ABCA5: variants seen among roughly 807,000 people sequenced by gnomAD.
The protein encoded by ABCA5 is cholesterol transporter ABCA5.
Under a neutral mutation model 206.0 loss-of-function variants are expected in ABCA5, and 163 were observed. The observed-to-expected ratio is 0.79, with a 90% CI of 0.70 to 0.90. ABCA5 has a LOEUF of 0.90. Among genes scored for constraint, ABCA5 ranks in the 40% least tolerant of loss-of-function variants. The pLI is 0.00. For synonymous variants in ABCA5, 609 were observed against 613.8 expected (o/e 0.99, Z 0.11); for missense variants, 1,859 against 1,912.9 (o/e 0.97, Z 0.53).
chr17:69,297,104 A>G, intron 10 of ABCA5, 87 bp downstream of exon 10: 2 of 1,279,566 alleles, frequency 1.6e-6, no homozygotes, highest in Non-Finnish European at 2.2e-6. Flanking sequence ...AATCTAATAT[A>G]CCATATTTAC....
Position 69,287,660 on chromosome 17 carries a change from A to G in ABCA5, c.1994T>C (p.Val665Ala), listed in dbSNP as rs1440397939. Residue 665 changes from valine (V) to alanine (A), a missense_variant, in exon 15 of 39, where the codon GTG becomes GCG. Transcript: ENST00000392676. ...CATGAAATGAGTACTGAACACTGTC[A>G]CCCGATTGGCTTTTCTGTATTTTAA... ...NLLKYRKANRVTVFSTHFMDE... is the reference protein window; with the variant it reads ...NLLKYRKANRATVFSTHFMDE... 1.2e-6 allele frequency: 2 copies of G among 1,613,806 alleles called. No homozygotes were observed. Among genetic ancestry groups the G allele is most frequent in the Non-Finnish European group, 1.7e-6 (2 of 1,179,846 alleles).
intron 11 of ABCA5, among the ~76,000 whole-genome samples, chr17:69,294,237 CA>C (rs895932431): frequency 6.6e-6 from 1 of 151,988 alleles, no homozygotes; most frequent in African/African-American, 2.4e-5. Flanking sequence ...AAAAGCAAGA[CA>C]GGGGCTGGGC....
At chr17:69,318,875 A>T (rs893819587) in intron 1 of ABCA5, 3 of 703,036 alleles carry the variant, frequency 4.3e-6, no homozygotes, top group Non-Finnish European at 8.0e-6. Flanking sequence ...ATGTGTGGAG[A>T]TGGCAACTAG....
At chr17:69,280,154 C>T (rs1221019504) in intron 18 of ABCA5, among the ~76,000 whole-genome samples, 1 of 151,822 alleles carries the variant, frequency 6.6e-6, no homozygotes, top group African/African-American at 2.4e-5. Context: ...GGCTAATATC[C>T]AGAATCTACA....
intron 9 of ABCA5, 53 bp downstream of exon 9, chr17:69,301,086 G>A (rs913459729): frequency 1.3e-5 from 19 of 1,457,884 alleles, no homozygotes; most frequent in Middle Eastern, 1.8e-4. Flanking sequence ...GACCCTATGT[G>A]GGCAAAAAAG....
At position 69,297,307 on chromosome 17, in the gene ABCA5, C is replaced by T; in HGVS notation, c.1320G>A (p.Trp440Ter). ...SSLYFLKPSY[W>*]SKSKRNYEEL... ...CCTCATAATTTCTTTTGCTCTTTGA[C>T]CAATATGAAGGCTTCAGAAAATATA... Residue 440 changes from tryptophan to a stop codon, truncating the protein, a stop_gained, in exon 10 of 39, where the codon TGG (tryptophan) becomes TGA (stop). Coordinates refer to ENST00000392676, the MANE Select transcript of ABCA5 (RefSeq NM_172232.4). LOFTEE classifies it high-confidence loss of function. The T allele has an allele frequency of 6.2e-7, 1 of 1,612,198 alleles. No homozygotes were observed. Among genetic ancestry groups the T allele is most frequent in the South Asian group, 1.1e-5 (1 of 90,638 alleles).
intron 25 of ABCA5, 122 bp from the exon 26 acceptor site, chr17:69,261,381 T>C (rs1364092782): frequency 2.1e-6 from 2 of 949,242 alleles, no homozygotes; most frequent in South Asian, 1.9e-5. Context: ...AGATGATATT[T>C]AGCCAGCAAG....
chr17:69,306,346 T>G (rs2075716493), intron 6 of ABCA5, among the ~76,000 whole-genome samples: 1 of 152,140 alleles, frequency 6.6e-6, no homozygotes, highest in African/African-American at 2.4e-5. Flanking sequence ...ATGGAAGAAC[T>G]GTAACAAGCA....
Position 69,261,596 on chromosome 17 carries a change from C to G in ABCA5, c.3429+39G>C, listed in dbSNP as rs762616344. On this transcript the variant is annotated intron_variant, in intron 25 of 38. Coordinates refer to ENST00000392676, the MANE Select transcript of ABCA5 (RefSeq NM_172232.4). ...CAGGAAAGAATTCATGTTAATTAAA[C>G]TGCTATGGAAAGTTGAAATAATGTA... 15 of 915,532 alleles carry G rather than the reference C, an allele frequency of 1.6e-5. No homozygotes were observed. The African/African-American group carries it at 2.4e-4, about 15-fold the overall frequency. The allele number at this position is 915,532 out of a possible 1,614,324, so 56.7% of individuals were successfully genotyped here.
chr17:69,270,408 A>G (rs1001513711), intron 22 of ABCA5, among the ~76,000 whole-genome samples: 7 of 152,106 alleles, frequency 4.6e-5, no homozygotes, highest in African/African-American at 1.7e-4. Flanking sequence ...TATTAATACC[A>G]AAACAGAATC....
chr17:69,293,967 T>A (rs538714940), intron 11 of ABCA5, among the ~76,000 whole-genome samples: 112 of 151,610 alleles, frequency 7.4e-4, no homozygotes, highest in Non-Finnish European at 1.3e-3. Flanking sequence ...TAAAGAACAG[T>A]TCTTCACAAC....
At chr17:69,298,327 G>GAAGGAAGGAAGA (rs2075613555) in intron 9 of ABCA5, among the ~76,000 whole-genome samples, 1 of 149,336 alleles carries the variant, frequency 6.7e-6, no homozygotes, top group African/African-American at 2.5e-5. Flanking sequence ...AGGAAGGAAG[G>GAAGGAAGGAAGA]AAGGAAGGAA....
intron 37 of ABCA5, chr17:69,248,550 T>C (rs1333441833): frequency 2.7e-5 from 8 of 298,916 alleles, no homozygotes; most frequent in Non-Finnish European, 5.1e-5. Flanking sequence ...TCACTTTTTC[T>C]AAGTTCTCCT....
Position 69,246,054 on chromosome 17 carries a change from A to C in ABCA5, c.*1483T>G, listed in dbSNP as rs1161817695. 6.6e-6 allele frequency: 1 copy of C among 152,036 alleles called. No homozygotes were observed. Among genetic ancestry groups the C allele is most frequent in the African/African-American group, 2.4e-5 (1 of 41,462 alleles). The allele number at this position is 152,036 out of a possible 1,614,324, so 9.4% of individuals were successfully genotyped here. Reference sequence around the variant, plus strand: ...TTATATATACTTTAGGAAAGTGTATAGCAACTGCCCCCAGCAATGGGGGAA... The same window carrying C: ...TTATATATACTTTAGGAAAGTGTATCGCAACTGCCCCCAGCAATGGGGGAA... On this transcript the variant is annotated 3_prime_UTR_variant, in exon 39 of 39. Coordinates refer to ENST00000392676, the MANE Select transcript of ABCA5 (RefSeq NM_172232.4).
At position 69,326,797 on chromosome 17, in the gene ABCA5, G is replaced by A. The variant is rs2145063549; in HGVS notation, c.-16+255C>T. Among the ~76,000 whole-genome samples, 1 of 152,052 alleles carries A rather than the reference G, an allele frequency of 6.6e-6. No homozygotes were observed. Among genetic ancestry groups the A allele is most frequent in the South Asian group, 2.1e-4 (1 of 4,822 alleles). On this transcript the variant is annotated intron_variant, in intron 1 of 38. Transcript: ENST00000392676. This position sits in a 1 kb window ranked among gnomAD's most constrained non-coding sequence, Gnocchi z 4.8. ...GCAGGGCCCCGACCCCCTCACGTCC[G>A]CATCCTGGGCGCTCCCACCGCATCC...
chr17:69,261,632 T>TA lies in ABCA5; in HGVS notation c.3429+2dup. The TA allele has an allele frequency of 8.1e-7, 1 of 1,229,658 alleles. No individual in the cohort carries two copies. Among genetic ancestry groups the TA allele is most frequent in the East Asian group, 2.5e-5 (1 of 39,490 alleles). The allele number at this position is 1,229,658 out of a possible 1,614,324, so 76.2% of individuals were successfully genotyped here. A position where few individuals can be genotyped will look rare whatever the true frequency, so the allele number is the denominator to read the frequency against. On this transcript the variant is annotated splice_region_variant and intron_variant, in intron 25 of 38. Coordinates refer to ENST00000392676, the MANE Select transcript of ABCA5 (RefSeq NM_172232.4). ...AGTTGAAATAATGTAAAATGTGACT[T>TA]ACCACAGAATAGATAAATGACCAAA...
rs1339749455 is a variant in ABCA5, at chr17:69,250,526, T to C, written c.4631A>G (p.Asp1544Gly). ...LKDWIENLEV[D>G]RLQREIQYIF... ...ATACTGAATTTCTCTTTGAAGGCGG[T>C]CTACTTCTAGGTTTTCTATCCAGTC... Residue 1544 changes from aspartate (D) to glycine (G), a missense_variant, in exon 36 of 39, where the codon GAC (aspartate) becomes GGC (glycine). Asp to Gly is a moderately conservative substitution (Grantham distance 94). Coordinates refer to ENST00000392676, the MANE Select transcript of ABCA5 (RefSeq NM_172232.4). The C allele has an allele frequency of 1.9e-6, 3 of 1,603,448 alleles. No individual in the cohort carries two copies. Among genetic ancestry groups the C allele is most frequent in the Admixed American group, 1.7e-5 (1 of 57,278 alleles).
intron 19 of ABCA5, 138 bp downstream of exon 19, chr17:69,277,503 T>C (rs1038327072): frequency 7.9e-6 from 5 of 634,532 alleles, no homozygotes; most frequent in Admixed American, 4.0e-5. Context: ...TTCTCTAACA[T>C]TGTGAAATTA....
chr17:69,303,426 CAAATATT>C (rs1375054177), intron 7 of ABCA5, among the ~76,000 whole-genome samples: 6 of 151,744 alleles, frequency 4.0e-5, no homozygotes, highest in Non-Finnish European at 8.8e-5. Flanking sequence ...CTTAAACTAA[CAAATATT>C]AAATACTGTA....
Sources: gnomAD v4.1 joint callset for allele counts (sites outside exome capture counted in the v4.1 genomes callset) on GRCh38, gnomAD v4.1.1 for gene constraint, Gnocchi (gnomAD v3.1) non-coding constraint, MANE v1.5 for transcripts, NCBI Gene and HGNC (gene_info 2026-07-23, HGNC 2026-07-21) for gene names.